ZFAND3: variants seen among roughly 807,000 people sequenced by gnomAD.
The protein encoded by ZFAND3 is AN1-type zinc finger protein 3.
Under a neutral mutation model 29.6 loss-of-function variants are expected in ZFAND3, and 10 were observed. That is an observed-to-expected ratio of 0.34 (90% CI 0.21 to 0.57). ZFAND3 has a LOEUF of 0.57. ZFAND3 is among the 20% of genes least tolerant of loss of function. The pLI is 0.86. For missense variants in ZFAND3, 230 were observed against 304.5 expected (o/e 0.76, Z 1.82); for synonymous variants, 128 against 112.6 (o/e 1.14, Z -0.87).
At chr6:38,020,270 A>G (rs900088340) in intron 2 of ZFAND3, among the ~76,000 whole-genome samples, 2 of 152,250 alleles carry the variant, frequency 1.3e-5, no homozygotes, top group Non-Finnish European at 2.9e-5. Flanking sequence ...CTTAAAGCAC[A>G]GTGTTATAAT....
chr6:37,945,167 C>T (rs1561942494), intron 2 of ZFAND3, among the ~76,000 whole-genome samples: 1 of 152,140 alleles, frequency 6.6e-6, no homozygotes, highest in South Asian at 2.1e-4. Context: ...GCTAGCTTAA[C>T]CCACACTCTG....
chr6:37,955,951 C>A (rs1371755985), intron 2 of ZFAND3, among the ~76,000 whole-genome samples: 1 of 152,008 alleles, frequency 6.6e-6, no homozygotes, highest in African/African-American at 2.4e-5. Context: ...AAATTGGTTG[C>A]CTGTGCTTGT....
chr6:38,096,151 C>T, intron 4 of ZFAND3, among the ~76,000 whole-genome samples: 1 of 151,972 alleles, frequency 6.6e-6, no homozygotes, highest in East Asian at 1.9e-4. Context: ...ACTTTTAGAA[C>T]TCATTAGGGT....
chr6:37,912,489 T>A (rs1765541194), intron 1 of ZFAND3, among the ~76,000 whole-genome samples: 1 of 152,200 alleles, frequency 6.6e-6, no homozygotes, highest in South Asian at 2.1e-4. Context: ...GAGTAGAGTT[T>A]TTGTACTACA....
intron 2 of ZFAND3, among the ~76,000 whole-genome samples, chr6:38,056,210 A>G (rs753125383): frequency 1.2e-4 from 18 of 152,226 alleles, no homozygotes; most frequent in Non-Finnish European, 2.4e-4. Context: ...GGTTTAGTTC[A>G]TGTATCTATA....
At chr6:37,997,208 T>G (rs950545819) in intron 2 of ZFAND3, among the ~76,000 whole-genome samples, 1 of 152,176 alleles carries the variant, frequency 6.6e-6, no homozygotes. Context: ...TTATTTCCAT[T>G]GGGGAAAGTA....
At chr6:38,079,501 TTC>T (rs1354978494) in intron 3 of ZFAND3, among the ~76,000 whole-genome samples, 2 of 152,100 alleles carry the variant, frequency 1.3e-5, no homozygotes, top group African/African-American at 4.8e-5. Context: ...AAGGTAAAGA[TTC>T]TCTTATTTGA....
At chr6:38,118,783 A>G (rs1363947570) in intron 5 of ZFAND3, among the ~76,000 whole-genome samples, 1 of 151,550 alleles carries the variant, frequency 6.6e-6, no homozygotes. Context: ...AAAAACAGTA[A>G]TATATGTTAG....
At chr6:37,906,700 G>GTTT (rs5875602) in intron 1 of ZFAND3, among the ~76,000 whole-genome samples, 145 of 143,970 alleles carry the variant, frequency 1.0e-3, no homozygotes, top group South Asian at 6.1e-3. Flanking sequence ...CTTACTTTCT[G>GTTT]TTTTTTTTTT....
intron 1 of ZFAND3, among the ~76,000 whole-genome samples, chr6:37,842,198 A>C (rs903063258): frequency 2.6e-5 from 4 of 152,172 alleles, no homozygotes; most frequent in Non-Finnish European, 5.9e-5. Context: ...TGGGGAGGAC[A>C]CCGACATTGA....
chr6:38,012,419 C>T (rs1763172093), intron 2 of ZFAND3, among the ~76,000 whole-genome samples: 1 of 148,158 alleles, frequency 6.7e-6, no homozygotes, highest in Non-Finnish European at 1.5e-5. Context: ...TGCACTGTCA[C>T]CCAGGCTGGA....
rs1562016163 is a variant in ZFAND3 at position 38,144,220 on chromosome 6, T to TATA, written c.530-8014_530-8012dup. Among the ~76,000 whole-genome samples the TATA allele has an allele frequency of 7.1e-3, 534 of 74,886 alleles. 19 individuals are homozygous for TATA. The highest frequency in any genetic ancestry group is 0.029 in the African/African-American group (487 of 16,760). 49.1% of individuals were successfully genotyped at this position (74,886 alleles called of 152,430 possible). A position where few individuals can be genotyped will look rare whatever the true frequency, so the allele number is the denominator to read the frequency against. Reference sequence around the variant, plus strand: ...ATATATATATATATATAATATATAATATATATATATATTTTTTTTTTAATA... The same window carrying TATA: ...ATATATATATATATATAATATATAATATAATATATATATATTTTTTTTTTAATA... On this transcript the variant is annotated intron_variant, in intron 5 of 5. Transcript: ENST00000287218.
intron 2 of ZFAND3, among the ~76,000 whole-genome samples, chr6:38,048,760 C>T (rs1367062820): frequency 6.6e-6 from 1 of 151,990 alleles, no homozygotes; most frequent in Non-Finnish European, 1.5e-5. Flanking sequence ...TATGGTCATG[C>T]AGTTTCTAAG....
chr6:37,995,192 G>GT (rs1762829235), intron 2 of ZFAND3, among the ~76,000 whole-genome samples: 1 of 152,040 alleles, frequency 6.6e-6, no homozygotes, highest in Non-Finnish European at 1.5e-5. Context: ...TTAACCCCAT[G>GT]TTTTTTTCTT....
chr6:38,016,828 C>T (rs1292763617), intron 2 of ZFAND3, among the ~76,000 whole-genome samples: 2 of 152,006 alleles, frequency 1.3e-5, no homozygotes, highest in East Asian at 1.9e-4. Context: ...TTTAATTGAC[C>T]TTTGAGAGCT....
chr6:37,913,247 C>T (rs536252951), intron 1 of ZFAND3, among the ~76,000 whole-genome samples: 3 of 152,286 alleles, frequency 2.0e-5, no homozygotes, highest in Middle Eastern at 6.8e-3. Flanking sequence ...TAGCATTTTA[C>T]CCACAGTAGA....
chr6:38,101,665 T>C (rs1277942416), intron 4 of ZFAND3, among the ~76,000 whole-genome samples: 1 of 150,518 alleles, frequency 6.6e-6, no homozygotes, highest in Non-Finnish European at 1.5e-5. Flanking sequence ...TCCCAGCCAC[T>C]TGGGAGGCTG....
chr6:38,030,157 TC>T (rs1361190390), intron 2 of ZFAND3, among the ~76,000 whole-genome samples: 1 of 148,526 alleles, frequency 6.7e-6, no homozygotes, highest in African/African-American at 2.5e-5. Context: ...TCTTTCCTTT[TC>T]CTTTCCTTTC....
rs77467193 is a variant in ZFAND3, at chr6:37,879,063, A to G, written c.72-50896A>G. Reference sequence around the variant, plus strand: ...TCAGAGGAAGAGCCCCTTATCCCCAACCCGTATGTAGTTGAGTATTAGCCA... The same window carrying G: ...TCAGAGGAAGAGCCCCTTATCCCCAGCCCGTATGTAGTTGAGTATTAGCCA... On this transcript the variant is annotated intron_variant, in intron 1 of 5. Coordinates refer to ENST00000287218, the MANE Select transcript of ZFAND3 (RefSeq NM_021943.3). Among the ~76,000 whole-genome samples, 567 of 152,190 alleles carry G rather than the reference A, an allele frequency of 3.7e-3. 2 individuals carry two copies. The highest frequency in any genetic ancestry group is 0.013 in the African/African-American group (541 of 41,518).
Sources: allele counts gnomAD v4.1 joint callset (sites outside exome capture counted in the v4.1 genomes callset), GRCh38; gene constraint gnomAD v4.1.1; transcripts MANE v1.5; gene names NCBI Gene and HGNC (gene_info 2026-07-23, HGNC 2026-07-21).